ACTL6A: variants seen among roughly 807,000 people sequenced by gnomAD.
ACTL6A encodes actin-like protein 6A.
In ACTL6A, 5 loss-of-function variants were observed where a neutral mutation model predicts 59.2. The ratio of observed to expected loss-of-function variants is 0.08; its 90% CI spans 0.04 to 0.18. The LOEUF (loss-of-function observed/expected upper bound fraction) is 0.18, where lower values mean the gene tolerates loss of function less well. ACTL6A is among the 10% of genes least tolerant of loss of function. The pLI is 1.00. For missense variants in ACTL6A, 285 were observed against 526.9 expected (o/e 0.54, Z 4.49); for synonymous variants, 154 against 171.8 (o/e 0.90, Z 0.81).
At chr3:179,580,831 G>T (rs1437822114) in intron 9 of ACTL6A, 63 bp from the exon 10 acceptor site, 3 of 1,441,238 alleles carry the variant, frequency 2.1e-6, no homozygotes, top group Non-Finnish European at 2.9e-6. Context: ...TTCCCTAGTA[G>T]TTTATAATTT....
In ACTL6A at chr3:179,587,995, A is replaced by G. The variant is rs200102011; in HGVS notation, c.1275A>G (p.Glu425=). 1 of 1,603,430 alleles carries G rather than the reference A, an allele frequency of 6.2e-7. No homozygotes were observed. The highest frequency in any genetic ancestry group is 8.5e-7 in the Non-Finnish European group (1 of 1,177,216). The stretch of plus-strand genomic sequence containing the variant: ...AAGAAGGAGGGAAGCAGTGTGTAGA[A>G]AGAAAATGCCCTTGAGAAAGAGTTC... The part of the protein sequence containing the change: ...EYEEGGKQCV[E]RKCP Residue 425 remains glutamate, a synonymous_variant, in exon 14 of 14, where the codon GAA becomes GAG. Transcript: ENST00000429709.
At chr3:179,569,724 G>C in intron 1 of ACTL6A, 100 bp from the exon 2 acceptor site, 1 of 982,700 alleles carries the variant, frequency 1.0e-6, no homozygotes, top group Non-Finnish European at 1.6e-6. Context: ...ACTGAGGCGG[G>C]AGGATTGCTT....
chr3:179,577,779 G>C (rs1188138682), intron 8 of ACTL6A, among the ~76,000 whole-genome samples: 1 of 150,718 alleles, frequency 6.6e-6, no homozygotes, highest in Non-Finnish European at 1.5e-5. Context: ...ATGGCCTCCA[G>C]CTCCATCCCT....
At position 179,564,764 on chromosome 3, in the gene ACTL6A, G is replaced by T. The variant is rs1353429502; in HGVS notation, c.25+1647G>T. 2.6e-5 allele frequency among the ~76,000 whole-genome samples: 4 copies of T among 152,108 alleles called. No homozygotes were observed. In the East Asian group the frequency reaches 7.7e-4, roughly 29 times the overall value. ...AGTACTTGCTATGTGGCAGGTATAGGCTCTTGTCATCAAGAAGCTCAGTCT... is the reference window on the plus strand; with the variant it reads ...AGTACTTGCTATGTGGCAGGTATAGTCTCTTGTCATCAAGAAGCTCAGTCT... On this transcript the variant is annotated intron_variant, in intron 1 of 13. Coordinates refer to ENST00000429709, the MANE Select transcript of ACTL6A (RefSeq NM_004301.5).
Position 179,562,929 on chromosome 3 carries a change from T to G in ACTL6A, c.-164T>G, listed in dbSNP as rs1339031961. On this transcript the variant is annotated 5_prime_UTR_variant, in exon 1 of 14. Transcript: ENST00000429709. ...TTGGCTGATAGGAGGAGCCAGCAAGTGTGGCTGAGCTCCGGGGTGTGTGGA... is the reference window on the plus strand; with the variant it reads ...TTGGCTGATAGGAGGAGCCAGCAAGGGTGGCTGAGCTCCGGGGTGTGTGGA... The G allele has an allele frequency of 3.6e-5, 30 of 834,522 alleles. No homozygotes were observed. The Admixed American group carries it at 6.0e-4, about 17-fold the overall frequency. The allele number at this position is 834,522 out of a possible 1,614,324, so 51.7% of individuals were successfully genotyped here.
chr3:179,576,678 C>A lies in ACTL6A; in HGVS notation c.630C>A (p.Phe210Leu). 6.2e-7 allele frequency: 1 copy of A among 1,613,826 alleles called. No individual in the cohort carries two copies. Among genetic ancestry groups the A allele is most frequent in the Non-Finnish European group, 8.5e-7 (1 of 1,179,784 alleles). The change falls in exon 7 of 14, where the codon TTC (phenylalanine) becomes TTA (leucine). Residue 210 changes from phenylalanine to leucine, a missense_variant. Coordinates refer to ENST00000429709, the MANE Select transcript of ACTL6A (RefSeq NM_004301.5). Reference sequence around the variant, plus strand: ...TTACTATGCAGTGCAGAGAACTCTTCCAAGAAATGAATATTGAATTGGTTC... The same window carrying A: ...TTACTATGCAGTGCAGAGAACTCTTACAAGAAATGAATATTGAATTGGTTC... ...DFITMQCREL[F>L]QEMNIELVPP...
At chr3:179,586,846 C>T (rs768328014) in intron 13 of ACTL6A, 9 of 511,712 alleles carry the variant, frequency 1.8e-5, no homozygotes, top group African/African-American at 2.0e-5. Flanking sequence ...TTTCAATGTC[C>T]CCTCTCAAAC....
Position 179,564,248 on chromosome 3 carries a change from G to A in ACTL6A, c.25+1131G>A, listed in dbSNP as rs142504916. Among the ~76,000 whole-genome samples the A allele has an allele frequency of 1.2e-3, 185 of 152,282 alleles. 1 individual carries two copies. Among genetic ancestry groups the A allele is most frequent in the African/African-American group, 3.7e-3 (155 of 41,558 alleles). On this transcript the variant is annotated intron_variant, in intron 1 of 13. Coordinates refer to ENST00000429709, the MANE Select transcript of ACTL6A (RefSeq NM_004301.5). ...CAGAAAACAAATCCAGACTATTGCT[G>A]TTGTTACTGTGTCTAGTAGTGATGC...
At chr3:179,581,552 A>G (rs1718339839) in intron 11 of ACTL6A, among the ~76,000 whole-genome samples, 1 of 152,252 alleles carries the variant, frequency 6.6e-6, no homozygotes, top group South Asian at 2.1e-4. Context: ...GAACATTTGC[A>G]TCATCACAGA....
At chr3:179,586,254 T>A (rs1039021648) in intron 12 of ACTL6A, among the ~76,000 whole-genome samples, 2 of 152,186 alleles carry the variant, frequency 1.3e-5, no homozygotes, top group Non-Finnish European at 2.9e-5. Context: ...CCTATGCTTG[T>A]TATCTTGGCT....
rs1452659603 is a variant in ACTL6A at position 179,580,981 on chromosome 3, A to C, written c.918A>C (p.Glu306Asp). 1 of 1,586,070 alleles carries C rather than the reference A, an allele frequency of 6.3e-7. No individual in the cohort carries two copies. The highest frequency in any genetic ancestry group is 8.5e-7 in the Non-Finnish European group (1 of 1,173,456). The change falls in exon 10 of 14, where the codon GAA becomes GAC. Residue 306 changes from glutamate (E) to aspartate (D), a missense_variant. By Grantham distance (45) the Glu-to-Asp change is conservative. Transcript: ENST00000429709. ...DFGAERLKIP[E>D]GLFDPSNVKG... ...GTGCAGAGCGGCTAAAGATTCCAGA[A>C]GGATTATTTGACCCTTCCAATGTAA...
intron 1 of ACTL6A, among the ~76,000 whole-genome samples, chr3:179,569,312 T>A (rs1353997793): frequency 6.6e-6 from 1 of 152,208 alleles, no homozygotes; most frequent in Non-Finnish European, 1.5e-5. Context: ...ATGGATCCAT[T>A]ATTATTAGTT....
Position 179,570,256 on chromosome 3 carries a change from C to G in ACTL6A, c.277+15C>G. The G allele has an allele frequency of 1.2e-6, 2 of 1,604,412 alleles. No individual in the cohort carries two copies. The highest frequency in any genetic ancestry group is 1.7e-6 in the Non-Finnish European group (2 of 1,174,818). ...AAATGGGATGGGTATGATGTTTTCC[C>G]CATGGAATTGATTATGGAGTGTACA... On this transcript the variant is annotated intron_variant, in intron 3 of 13. Coordinates refer to ENST00000429709, the MANE Select transcript of ACTL6A (RefSeq NM_004301.5). The surrounding 1 kb of genome is among the most constrained non-coding windows in gnomAD (Gnocchi z 4.3).
rs1337500205 is a variant in ACTL6A, at chr3:179,564,940, T to TC, written c.25+1824dup. Among the ~76,000 whole-genome samples the TC allele has an allele frequency of 4.0e-5, 6 of 150,552 alleles. 1 individual carries two copies. In the East Asian group the frequency reaches 9.9e-4, roughly 25 times the overall value. On this transcript the variant is annotated intron_variant, in intron 1 of 13. Coordinates refer to ENST00000429709, the MANE Select transcript of ACTL6A (RefSeq NM_004301.5). The stretch of plus-strand genomic sequence containing the variant: ...GTCTTGAACTCCTGAGCTCAGGCGG[T>TC]CTTCCCACCTCAGCCTCCCAAAGTG...
chr3:179,575,827 A>G (rs1230306768), intron 5 of ACTL6A, among the ~76,000 whole-genome samples: 1 of 152,222 alleles, frequency 6.6e-6, no homozygotes, highest in Non-Finnish European at 1.5e-5. Flanking sequence ...TCCCTAGCTC[A>G]ATTATCACAA....
chr3:179,566,717 A>G (rs906733910), intron 1 of ACTL6A, among the ~76,000 whole-genome samples: 1 of 152,002 alleles, frequency 6.6e-6, no homozygotes, highest in Non-Finnish European at 1.5e-5. Flanking sequence ...TGAGACTGAG[A>G]CTTGCTCTGT....
intron 5 of ACTL6A, chr3:179,575,184 A>T (rs1435452000): frequency 2.8e-6 from 1 of 353,292 alleles, no homozygotes; most frequent in Non-Finnish European, 5.5e-6. Flanking sequence ...TTAAGCCAGA[A>T]TCGTCTTCTA....
chr3:179,573,621 A>AT (rs754454244), intron 4 of ACTL6A, 152 bp downstream of exon 4: 1 of 588,392 alleles, frequency 1.7e-6, no homozygotes, highest in Non-Finnish European at 2.9e-6. Flanking sequence ...AAAAGGATTA[A>AT]TTTTTTAACA....
intron 11 of ACTL6A, among the ~76,000 whole-genome samples, chr3:179,582,661 G>GC (rs1481808000): frequency 7.9e-5 from 12 of 152,278 alleles, no homozygotes; most frequent in Admixed American, 6.5e-4. Context: ...GCTGGTGGTT[G>GC]CAATTAATAT....
Sources: allele counts gnomAD v4.1 joint callset (sites outside exome capture counted in the v4.1 genomes callset), GRCh38; gene constraint gnomAD v4.1.1; non-coding constraint Gnocchi (gnomAD v3.1); transcripts MANE v1.5; gene names NCBI Gene and HGNC (gene_info 2026-07-23, HGNC 2026-07-21).